Variants in PCDHA6 observed in about 807,000 individuals in gnomAD.
PCDHA6 encodes protocadherin alpha-6.
A neutral mutation model predicts 60.3 loss-of-function variants in PCDHA6; 55 were observed. The ratio of observed to expected loss-of-function variants is 0.91; its 90% CI spans 0.73 to 1.14. PCDHA6 has a LOEUF of 1.14. Among genes scored for constraint, PCDHA6 ranks in the 50% most tolerant of loss-of-function variants. PCDHA6 has a pLI of 0.00. For synonymous variants in PCDHA6, 652 were observed against 557.9 expected, an observed-to-expected ratio of 1.17 and a Z score of -2.38; for missense variants, 1,327 against 1,256.5, an observed-to-expected ratio of 1.06 and a Z score of -0.85.
At chr5:140,956,784 G>T (rs549737881) in intron 1 of PCDHA6, among the ~76,000 whole-genome samples, 373 of 152,090 alleles carry the variant, frequency 2.5e-3, no homozygotes, top group Non-Finnish European at 3.7e-3. Flanking sequence ...CCTGGGCTTT[G>T]TTTGCTTGGT....
At chr5:140,860,689 G>A (rs1478164991) in intron 1 of PCDHA6, 3 of 152,174 alleles carry the variant, frequency 2.0e-5, no homozygotes, top group African/African-American at 7.2e-5. Flanking sequence ...TGTTTTGAGC[G>A]ACAGGATATT....
intron 1 of PCDHA6, among the ~76,000 whole-genome samples, chr5:140,880,869 G>C (rs1017640769): frequency 6.6e-6 from 1 of 152,064 alleles, no homozygotes. Context: ...TATGTGAAGA[G>C]GTAAATAAAG....
intron 1 of PCDHA6, among the ~76,000 whole-genome samples, chr5:140,924,421 A>G (rs2081827627): frequency 6.6e-6 from 1 of 152,172 alleles, no homozygotes; most frequent in Non-Finnish European, 1.5e-5. Flanking sequence ...TGCCCTTTCT[A>G]GTTCCCTAGA....
chr5:140,876,977 A>C (rs782413550), intron 1 of PCDHA6: 12 of 1,612,554 alleles, frequency 7.4e-6, no homozygotes, highest in Non-Finnish European at 1.0e-5. Context: ...GTGGGCGAGC[A>C]CGCACTGTCG....
chr5:140,893,693 T>G (rs868968555), intron 1 of PCDHA6, among the ~76,000 whole-genome samples: 43 of 152,366 alleles, frequency 2.8e-4, no homozygotes, highest in Middle Eastern at 3.4e-3. Context: ...CATCTCATTC[T>G]ATCCTAGCCT....
At chr5:140,991,753 T>C (rs1262588559) in intron 3 of PCDHA6, among the ~76,000 whole-genome samples, 3 of 152,208 alleles carry the variant, frequency 2.0e-5, no homozygotes, top group Non-Finnish European at 2.9e-5. Flanking sequence ...CTTTCTATCA[T>C]GCTCTTCAAA....
chr5:140,869,005 G>C, intron 1 of PCDHA6: 1 of 1,521,546 alleles, frequency 6.6e-7, no homozygotes, highest in Non-Finnish European at 8.8e-7. Context: ...AGGATCCTTT[G>C]AAACTTCTTA....
intron 1 of PCDHA6, among the ~76,000 whole-genome samples, chr5:140,899,684 G>T (rs1554188704): frequency 6.6e-6 from 1 of 152,154 alleles, no homozygotes; most frequent in African/African-American, 2.4e-5. Context: ...TCAGGATGAT[G>T]CTGGCCTCAT....
chr5:140,952,041 T>C (rs1202542852), intron 1 of PCDHA6, among the ~76,000 whole-genome samples: 1 of 152,108 alleles, frequency 6.6e-6, no homozygotes, highest in African/African-American at 2.4e-5. Flanking sequence ...AGTAGGGCAG[T>C]TATTAAATCT....
rs1554131894 is a variant in PCDHA6, at chr5:140,829,341, G to A, written c.1250G>A (p.Ser417Asn). Residue 417 changes from serine to asparagine, a missense_variant, in exon 1 of 4, where the codon AGC (serine) becomes AAC (asparagine). Coordinates refer to ENST00000529310, the MANE Select transcript of PCDHA6 (RefSeq NM_018909.4). ...CTGGACAGTGCCCTGGACCGCGAGA[G>A]CGTGTCGGCCTATGAGTTGGTGGTA... The part of the protein sequence containing the change: ...LVLDSALDRE[S>N]VSAYELVVTA... 4.3e-6 allele frequency: 7 copies of A among 1,614,256 alleles called. No homozygotes were observed. The highest frequency in any genetic ancestry group is 4.0e-5 in the African/African-American group (3 of 75,070).
rs782314357 is a variant in PCDHA6 at position 140,927,486 on chromosome 5, C to G, written c.2395-51463C>G. The G allele has an allele frequency of 6.2e-6, 10 of 1,614,128 alleles. No individual in the cohort carries two copies. In the East Asian group the frequency reaches 2.2e-4, roughly 36 times the overall value. ...CACTGGATCGCGAACAGCGCGCCACCCACCTGCTGGTGCTTACAGCTCGGG... is the reference window on the plus strand; with the variant it reads ...CACTGGATCGCGAACAGCGCGCCACGCACCTGCTGGTGCTTACAGCTCGGG... On this transcript the variant is annotated intron_variant, in intron 1 of 3. Coordinates refer to ENST00000529310, the MANE Select transcript of PCDHA6 (RefSeq NM_018909.4).
chr5:140,835,749 G>A, intron 1 of PCDHA6: 1 of 1,613,432 alleles, frequency 6.2e-7, no homozygotes, highest in Non-Finnish European at 8.5e-7. Context: ...CCCGGCGTTC[G>A]CGCAGCCCGA....
At chr5:140,956,925 G>GA (rs1487375223) in intron 1 of PCDHA6, among the ~76,000 whole-genome samples, 1 of 151,858 alleles carries the variant, frequency 6.6e-6, no homozygotes, top group Non-Finnish European at 1.5e-5. Context: ...AATCTTGCTG[G>GA]ATATAGGATA....
intron 1 of PCDHA6, among the ~76,000 whole-genome samples, chr5:140,845,069 G>A (rs1323503087): frequency 6.7e-6 from 1 of 149,464 alleles, no homozygotes; most frequent in Non-Finnish European, 1.5e-5. Context: ...CCTCAAAGCA[G>A]CATTGTTTTG....
chr5:140,830,479 T>G lies in PCDHA6; in HGVS notation c.2388T>G (p.Asp796Glu), dbSNP rs2150187102. The stretch of plus-strand genomic sequence containing the variant: ...ATCAGGATTTAAATGAAGATCATGA[T>G]GCCAAAGTAAGTGAATTTTCATAAT... ...AENQDLNEDHDAKPRQPNPDW... is the reference protein window; with the variant it reads ...AENQDLNEDHEAKPRQPNPDW... The change falls in exon 1 of 4, where the codon GAT becomes GAG. Residue 796 changes from aspartate to glutamate, a missense_variant. Transcript: ENST00000529310. 6.6e-6 allele frequency: 10 copies of G among 1,522,278 alleles called. No homozygotes were observed. Among genetic ancestry groups the G allele is most frequent in the Non-Finnish European group, 8.8e-6 (10 of 1,132,266 alleles). 94.3% of individuals were successfully genotyped at this position (1,522,278 alleles called of 1,614,324 possible).
In PCDHA6 at chr5:140,896,536, C is replaced by CTTT. The variant is rs34213614; in HGVS notation, c.2394+66061_2394+66063dup. 9.4e-4 allele frequency among the ~76,000 whole-genome samples: 137 copies of CTTT among 145,660 alleles called. 1 individual carries two copies. Among genetic ancestry groups the CTTT allele is most frequent in the East Asian group, 2.8e-3 (14 of 5,008 alleles). On this transcript the variant is annotated intron_variant, in intron 1 of 3. Coordinates refer to ENST00000529310, the MANE Select transcript of PCDHA6 (RefSeq NM_018909.4). ...CACACCACAAAGCCCAGCTATTTTT[C>CTTT]TTTTTTTTTTTTGTATTTTAAGTAG... is the stretch of plus-strand genomic sequence containing the variant.
chr5:140,842,870 G>A, intron 1 of PCDHA6: 1 of 1,594,050 alleles, frequency 6.3e-7, no homozygotes, highest in Non-Finnish European at 8.6e-7. Flanking sequence ...GAGCGGCAAG[G>A]TGTACGCGCT....
chr5:140,836,662 C>CTTGGG, intron 1 of PCDHA6: 1 of 1,613,452 alleles, frequency 6.2e-7, no homozygotes. Flanking sequence ...AGGGTGTGCT[C>CTTGGG]TGGGGAGGGC....
At chr5:140,926,879 C>G in intron 1 of PCDHA6, 1 of 1,534,480 alleles carries the variant, frequency 6.5e-7, no homozygotes, top group Non-Finnish European at 8.8e-7. Flanking sequence ...GGAACGTGGA[C>G]GCCTAGAGGG....
Sources: gnomAD v4.1 joint callset for allele counts (sites outside exome capture counted in the v4.1 genomes callset) on GRCh38, gnomAD v4.1.1 for gene constraint, MANE v1.5 for transcripts, NCBI Gene and HGNC (gene_info 2026-07-23, HGNC 2026-07-21) for gene names.